LINGO2: variants seen among roughly 807,000 people sequenced by gnomAD.
The protein encoded by LINGO2 is leucine rich repeat and Ig domain containing 2, also known as leucine-rich repeat and immunoglobulin-like domain-containing nogo receptor-interacting protein 2.
Under a neutral mutation model 30.6 loss-of-function variants are expected in LINGO2, and 14 were observed. The ratio of observed to expected loss-of-function variants is 0.46; its 90% confidence interval spans 0.30 to 0.72. LINGO2 has a LOEUF of 0.72. LINGO2 is among the 30% of genes least tolerant of loss of function. The probability of loss-of-function intolerance (pLI) is 0.07; values close to 1 mark genes in which losing one functional copy is unlikely to be tolerated. For synonymous variants in LINGO2, 317 were observed against 288.5 expected (o/e 1.10, Z -1.00); for missense variants, 729 against 751.7 (o/e 0.97, Z 0.35).
the LINGO2 span, among the ~76,000 whole-genome samples, chr9:28,746,082 T>C: frequency 1.3e-5 from 2 of 152,134 alleles, no homozygotes; most frequent in South Asian, 2.1e-4. Context: ...TTGAAAATTT[T>C]GCTGGGAGAA....
Position 28,147,897 on chromosome 9 carries a change from G to C in LINGO2, c.-86-135492C>G, listed in dbSNP as rs1454400941. Among the ~76,000 whole-genome samples, 1 of 152,150 alleles carries C rather than the reference G, an allele frequency of 6.6e-6. No homozygotes were observed. The highest frequency in any genetic ancestry group is 1.5e-5 in the Non-Finnish European group (1 of 68,034). On this transcript the variant is annotated intron_variant, in intron 4 of 5. Coordinates refer to ENST00000379992, the Ensembl canonical transcript of LINGO2. The surrounding 1 kb of genome is among the most constrained non-coding windows in gnomAD (Gnocchi z 4.7). ...GATGTCATAAACTCCCAGATGCCCA[G>C]TGTGCACCCGGCCACAGAGAAGTGG...
At chr9:29,007,194 T>C in the LINGO2 span, among the ~76,000 whole-genome samples, 1 of 152,136 alleles carries the variant, frequency 6.6e-6, no homozygotes, top group Non-Finnish European at 1.5e-5. Context: ...AGTGAAACTA[T>C]GGACTTGATA....
intron 4 of LINGO2, among the ~76,000 whole-genome samples, chr9:28,193,639 C>G (rs571456540): frequency 6.6e-6 from 1 of 152,284 alleles, no homozygotes; most frequent in East Asian, 1.9e-4. Context: ...AACTTTTGTT[C>G]TACTTAGCGA....
At chr9:28,256,487 G>A (rs1822387726) in intron 4 of LINGO2, among the ~76,000 whole-genome samples, 1 of 151,778 alleles carries the variant, frequency 6.6e-6, no homozygotes. Context: ...GCAATAGACA[G>A]ACATCAAACA....
intron 1 of LINGO2, among the ~76,000 whole-genome samples, chr9:28,618,545 T>C (rs1040656075): frequency 6.6e-6 from 1 of 152,182 alleles, no homozygotes; most frequent in Non-Finnish European, 1.5e-5. Flanking sequence ...CTAGTGATTC[T>C]TCATCATAAA....
chr9:29,011,096 T>C, the LINGO2 span, among the ~76,000 whole-genome samples: 1 of 152,200 alleles, frequency 6.6e-6, no homozygotes, highest in Non-Finnish European at 1.5e-5. Context: ...AACATTGGTT[T>C]CTTAATCAGA....
the LINGO2 span, among the ~76,000 whole-genome samples, chr9:29,153,186 A>G: frequency 2.0e-5 from 3 of 152,142 alleles, no homozygotes; most frequent in African/African-American, 7.2e-5. Flanking sequence ...TCACCACTGT[A>G]TATTTTTCAT....
the LINGO2 span, among the ~76,000 whole-genome samples, chr9:28,968,709 T>A: frequency 2.0e-5 from 3 of 152,144 alleles, no homozygotes; most frequent in African/African-American, 7.2e-5. Flanking sequence ...AAACTTCATA[T>A]CCCAGATTCC....
chr9:28,628,408 T>G (rs1341905756), intron 1 of LINGO2, among the ~76,000 whole-genome samples: 1 of 152,080 alleles, frequency 6.6e-6, no homozygotes, highest in East Asian at 1.9e-4. Flanking sequence ...AAATGCTACT[T>G]GCAGAGAAAA....
the LINGO2 span, among the ~76,000 whole-genome samples, chr9:29,063,405 C>T: frequency 6.7e-6 from 1 of 150,312 alleles, no homozygotes; most frequent in Admixed American, 6.7e-5. Context: ...TCTATTTACA[C>T]CTTTTTTTTT....
At chr9:28,621,918 A>G (rs1273526394) in intron 1 of LINGO2, among the ~76,000 whole-genome samples, 6 of 152,112 alleles carry the variant, frequency 3.9e-5, no homozygotes, top group Non-Finnish European at 5.9e-5. Context: ...TGAGACACAA[A>G]ACAAGCATGA....
chr9:29,162,381 A>G, the LINGO2 span, among the ~76,000 whole-genome samples: 1 of 152,216 alleles, frequency 6.6e-6, no homozygotes, highest in Non-Finnish European at 1.5e-5. Context: ...TTCATGTTTG[A>G]ATATATCAAT....
At chr9:28,939,637 C>T in the LINGO2 span, among the ~76,000 whole-genome samples, 7 of 152,108 alleles carry the variant, frequency 4.6e-5, no homozygotes, top group African/African-American at 1.4e-4. Flanking sequence ...ACTATAATTA[C>T]TTATTGGTTT....
At chr9:28,241,879 G>A (rs1219002856) in intron 4 of LINGO2, among the ~76,000 whole-genome samples, 1 of 152,106 alleles carries the variant, frequency 6.6e-6, no homozygotes, top group Non-Finnish European at 1.5e-5. Flanking sequence ...CCCTACAGAA[G>A]AGGGACCTGA....
intron 5 of LINGO2, among the ~76,000 whole-genome samples, chr9:27,971,883 A>G (rs1163623012): frequency 6.6e-6 from 1 of 152,202 alleles, no homozygotes; most frequent in Non-Finnish European, 1.5e-5. Flanking sequence ...AGACAGACAC[A>G]TGAATATTAT....
At chr9:28,689,318 C>G in the LINGO2 span, among the ~76,000 whole-genome samples, 7 of 151,986 alleles carry the variant, frequency 4.6e-5, no homozygotes, top group African/African-American at 1.5e-4. Flanking sequence ...GACAAATAGC[C>G]GACTAATCTT....
chr9:28,505,153 G>C (rs1820059103), intron 1 of LINGO2, among the ~76,000 whole-genome samples: 1 of 151,732 alleles, frequency 6.6e-6, no homozygotes, highest in South Asian at 2.1e-4. Flanking sequence ...ATAATGATTT[G>C]GCCATACCTA....
chr9:28,351,258 C>G (rs1264368117), intron 3 of LINGO2, among the ~76,000 whole-genome samples: 1 of 143,494 alleles, frequency 7.0e-6, no homozygotes, highest in Non-Finnish European at 1.5e-5. Context: ...GCTAGCAAGA[C>G]TAATAAAGAA....
chr9:28,958,777 G>C, the LINGO2 span, among the ~76,000 whole-genome samples: 1 of 152,038 alleles, frequency 6.6e-6, no homozygotes, highest in East Asian at 1.9e-4. Context: ...GTGTTGAGTT[G>C]ATGAGGAGGA....
Sources: allele counts gnomAD v4.1 joint callset (sites outside exome capture counted in the v4.1 genomes callset), GRCh38; gene constraint gnomAD v4.1.1; non-coding constraint Gnocchi (gnomAD v3.1); transcripts MANE v1.5; gene names NCBI Gene and HGNC (gene_info 2026-07-23, HGNC 2026-07-21).